Variants in MTFR1 observed in about 807,000 individuals in gnomAD.
MTFR1 encodes the protein mitochondrial fission regulator 1, also known as chondrocyte protein with a poly-proline region.
A neutral mutation model predicts 38.8 loss-of-function variants in MTFR1; 28 were observed. That is an observed-to-expected ratio of 0.72 (90% CI 0.53 to 0.99). MTFR1 has a LOEUF of 0.99. Ranked by LOEUF, MTFR1 falls within the 50% of genes least tolerant of loss-of-function variation. The pLI, the probability that MTFR1 is intolerant of heterozygous loss-of-function variation, is 0.00. For missense variants in MTFR1, 358 were observed against 395.5 expected (o/e 0.91, Z 0.81); for synonymous variants, 145 against 137.0 (o/e 1.06, Z -0.41).
At chr8:65,673,745 T>C (rs1388380212) in intron 2 of MTFR1, among the ~76,000 whole-genome samples, 1 of 151,522 alleles carries the variant, frequency 6.6e-6, no homozygotes, top group Admixed American at 6.6e-5. Context: ...CTACTAAAAA[T>C]ACAAAAATCA....
In MTFR1 at chr8:65,684,803, G is replaced by A. The variant is rs563571369; in HGVS notation, c.165+2352G>A. 7.5e-4 allele frequency among the ~76,000 whole-genome samples: 113 copies of A among 151,024 alleles called. 1 individual carries two copies. The highest frequency in any genetic ancestry group is 1.4e-3 in the Non-Finnish European group (92 of 67,742). ...GTGGATCACCTGAGGTTGGGAGTTC[G>A]AGACCAGCCCGGCCAACATGGAGAA... On this transcript the variant is annotated intron_variant, in intron 3 of 7. Transcript: ENST00000262146.
At chr8:65,698,570 C>T (rs931183031) in intron 4 of MTFR1, among the ~76,000 whole-genome samples, 2 of 151,986 alleles carry the variant, frequency 1.3e-5, no homozygotes, top group Admixed American at 1.3e-4. Flanking sequence ...CTTTTAGGTT[C>T]GGGGGTACAT....
chr8:65,698,183 C>T, intron 4 of MTFR1, among the ~76,000 whole-genome samples: 2 of 144,736 alleles, frequency 1.4e-5, no homozygotes, highest in African/African-American at 2.5e-5. Flanking sequence ...GGATCTGGCT[C>T]TGTCACCCGG....
intron 3 of MTFR1, among the ~76,000 whole-genome samples, chr8:65,740,382 T>C (rs538976767): frequency 8.5e-5 from 13 of 152,112 alleles, no homozygotes; most frequent in African/African-American, 3.1e-4. Flanking sequence ...GTCACAGAAA[T>C]AATACAAGCC....
At chr8:65,644,392 A>C (rs753510290), upstream of MTFR1, among the ~76,000 whole-genome samples, 3 of 152,218 alleles carry the variant, frequency 2.0e-5, no homozygotes, top group Non-Finnish European at 4.4e-5. Context: ...GGTTAACAAA[A>C]GCTTACGACT....
chr8:65,750,155 T>C (rs938059195), intron 3 of MTFR1, among the ~76,000 whole-genome samples: 2 of 152,196 alleles, frequency 1.3e-5, no homozygotes, highest in African/African-American at 4.8e-5. Flanking sequence ...ATCATTACCA[T>C]CCTGTGAAGA....
At chr8:65,661,828 G>A (rs1444505500) in intron 1 of MTFR1, among the ~76,000 whole-genome samples, 1 of 151,914 alleles carries the variant, frequency 6.6e-6, no homozygotes, top group Non-Finnish European at 1.5e-5. Context: ...GCCAGGCATG[G>A]TGGCATATGC....
chr8:65,759,261 G>A (rs1401070593), intron 3 of MTFR1, among the ~76,000 whole-genome samples: 1 of 152,320 alleles, frequency 6.6e-6, no homozygotes, highest in East Asian at 1.9e-4. Context: ...GCTCCAAAAT[G>A]GGGGTGAGGG....
At chr8:65,731,942 T>C (rs918711311) in intron 3 of MTFR1, among the ~76,000 whole-genome samples, 9 of 152,124 alleles carry the variant, frequency 5.9e-5, no homozygotes, top group African/African-American at 2.2e-4. Context: ...TGTAAAACTC[T>C]TGCCATCCAC....
chr8:65,724,476 T>C (rs1806526126), intron 3 of MTFR1: 1 of 611,220 alleles, frequency 1.6e-6, no homozygotes, highest in Admixed American at 3.1e-5. Context: ...ATAATTCTCC[T>C]ATTTTTAGAT....
chr8:65,725,006 A>G, intron 3 of MTFR1: 1 of 775,622 alleles, frequency 1.3e-6, no homozygotes, highest in East Asian at 3.0e-5. Context: ...AATAATCGGA[A>G]GGCTTTATAG....
rs79454955 is a variant in MTFR1 at position 65,646,293 on chromosome 8, A to G, written c.-81+1509A>G. ...AATTTACCTGAAGTCACACTGCTGA[A>G]AGGATGGGGGTGGGGGTAGAATTCA... On this transcript the variant is annotated intron_variant, in intron 1 of 7. Transcript: ENST00000262146. Among the ~76,000 whole-genome samples the G allele has an allele frequency of 7.2e-4, 110 of 152,292 alleles. 1 individual carries two copies. The East Asian group carries it at 0.019, about 26-fold the overall frequency.
chr8:65,673,200 G>C (rs2129051735), intron 2 of MTFR1, among the ~76,000 whole-genome samples: 1 of 152,266 alleles, frequency 6.6e-6, no homozygotes, highest in East Asian at 1.9e-4. Flanking sequence ...CCTAATTCCA[G>C]TGTTGTTTTG....
intron 3 of MTFR1, chr8:65,722,237 T>C (rs2129064484): frequency 6.6e-6 from 1 of 152,368 alleles, no homozygotes; most frequent in East Asian, 1.9e-4. Context: ...CAGTGTGAGC[T>C]CTCTGGGAGA....
intron 3 of MTFR1, among the ~76,000 whole-genome samples, chr8:65,756,633 T>C (rs1020067981): frequency 4.6e-5 from 7 of 152,216 alleles, no homozygotes; most frequent in Admixed American, 2.6e-4. Flanking sequence ...ATTTTGTTTG[T>C]ACATTGTTTT....
Position 65,693,648 on chromosome 8 carries a change from A to T in MTFR1, c.170A>T (p.Asn57Ile). ...TTCCCTATTTATAACTTACAGATTA[A>T]CAGCCATGCAACAGAATGGAGTCCC... Reference protein sequence around the residue: ...IQCPRVQFQINSHATEWSPSH... With the variant: ...IQCPRVQFQIISHATEWSPSH... The change falls in exon 4 of 8, where the codon AAC becomes ATC. Residue 57 changes from asparagine to isoleucine, a missense_variant. By Grantham distance (149) the Asn-to-Ile change is moderately radical. Transcript: ENST00000262146. 6.2e-7 allele frequency: 1 copy of T among 1,613,540 alleles called. No homozygotes were observed.
intron 3 of MTFR1, among the ~76,000 whole-genome samples, chr8:65,735,433 C>G (rs1807087305): frequency 6.6e-6 from 1 of 151,944 alleles, no homozygotes; most frequent in South Asian, 2.1e-4. Flanking sequence ...CTCAGCCTCC[C>G]AAGTAGTTGG....
intron 3 of MTFR1, chr8:65,722,821 C>G (rs1806440447): frequency 6.6e-6 from 1 of 152,188 alleles, no homozygotes. Context: ...ACTTTGGAAT[C>G]TAGAAGAAAA....
intron 3 of MTFR1, among the ~76,000 whole-genome samples, chr8:65,758,262 T>A (rs1808329371): frequency 6.6e-6 from 1 of 152,182 alleles, no homozygotes. Context: ...CCCACCCCCA[T>A]CAGGCCCTCA....
Sources: allele counts gnomAD v4.1 joint callset (sites outside exome capture counted in the v4.1 genomes callset), GRCh38; gene constraint gnomAD v4.1.1; transcripts MANE v1.5; gene names NCBI Gene and HGNC (gene_info 2026-07-23, HGNC 2026-07-21).